The following TLL2 variants were observed in gnomAD, a reference collection of about 807,000 sequenced individuals.
TLL2 encodes tolloid-like protein 2.
Under a neutral mutation model 123.0 loss-of-function variants are expected in TLL2, and 106 were observed. The observed-to-expected ratio is 0.86, with a 90% CI of 0.74 to 1.01. The LOEUF (loss-of-function observed/expected upper bound fraction) is 1.01, where lower values mean the gene tolerates loss of function less well. Ranked by LOEUF, TLL2 falls within the 50% of genes least tolerant of loss-of-function variation. TLL2 has a pLI of 0.00. For synonymous variants in TLL2, 494 were observed against 516.8 expected (o/e 0.96, Z 0.60); for missense variants, 1,332 against 1,336.7 (o/e 1.00, Z 0.06).
intron 6 of TLL2, among the ~76,000 whole-genome samples, chr10:96,421,693 TGG>T (rs1846625208): frequency 6.9e-6 from 1 of 144,620 alleles, no homozygotes. Context: ...AAAAATTAGC[TGG>T]GCGTGGTGGT....
intron 12 of TLL2, 121 bp downstream of exon 12, chr10:96,395,754 G>A: frequency 7.7e-7 from 1 of 1,300,106 alleles, no homozygotes; most frequent in South Asian, 1.6e-5. Context: ...TTCACTATGG[G>A]CTTGAGAATA....
At chr10:96,386,704 A>G (rs888486702) in intron 14 of TLL2, among the ~76,000 whole-genome samples, 1 of 152,196 alleles carries the variant, frequency 6.6e-6, no homozygotes, top group Non-Finnish European at 1.5e-5. Flanking sequence ...ATTTCACACA[A>G]TCATAGAAGA....
intron 3 of TLL2, among the ~76,000 whole-genome samples, chr10:96,442,718 C>T (rs1263106973): frequency 1.3e-5 from 2 of 152,200 alleles, no homozygotes; most frequent in African/African-American, 2.4e-5. Flanking sequence ...CACAACCCCA[C>T]CAGAGGCAGA....
chr10:96,476,248 T>TTTTTTTGTTGTTGTTGTTGTTG (rs1285354320), intron 2 of TLL2, among the ~76,000 whole-genome samples: 6 of 69,242 alleles, frequency 8.7e-5, no homozygotes, highest in African/African-American at 3.7e-4. Flanking sequence ...ATATTTTATT[T>TTTTTTTGTTGTTGTTGTTGTTG]TTGTTGTTGT....
Position 96,459,725 on chromosome 10 carries a change from TATATATAG to T in TLL2, c.287-13565_287-13558del, listed in dbSNP as rs1419019521. Among the ~76,000 whole-genome samples, 12 of 92,404 alleles carry T rather than the reference TATATATAG, an allele frequency of 1.3e-4. No individual in the cohort carries two copies. The South Asian group carries it at 1.9e-3, about 15-fold the overall frequency. 60.6% of individuals were successfully genotyped at this position (92,404 alleles called of 152,430 possible). ...AAAAAAATATATATATATATATATA[TATATATAG>T]CAGCTAAAATGAAAAGACACATGGA... On this transcript the variant is annotated intron_variant, in intron 2 of 20. Coordinates refer to ENST00000357947, the MANE Select transcript of TLL2 (RefSeq NM_012465.4).
intron 5 of TLL2, among the ~76,000 whole-genome samples, chr10:96,424,024 A>T (rs960719419): frequency 6.6e-6 from 1 of 152,220 alleles, no homozygotes; most frequent in Non-Finnish European, 1.5e-5. Flanking sequence ...GGAACTGGAG[A>T]TCATTATGTT....
chr10:96,486,736 T>C (rs1847360177), intron 1 of TLL2, among the ~76,000 whole-genome samples: 1 of 152,198 alleles, frequency 6.6e-6, no homozygotes, highest in African/African-American at 2.4e-5. Flanking sequence ...AGAGCACCCC[T>C]GGGAAGTCCA....
At chr10:96,507,155 C>G (rs969100194) in intron 1 of TLL2, among the ~76,000 whole-genome samples, 7 of 151,960 alleles carry the variant, frequency 4.6e-5, no homozygotes, top group African/African-American at 1.7e-4. Context: ...AGTGTGAGAC[C>G]TGGCCACTAT....
Position 96,370,206 on chromosome 10 carries a change from C to T in TLL2, c.2772G>A (p.Val924=), listed in dbSNP as rs1211889654. Residue 924 remains valine (V), a synonymous_variant, in exon 20 of 21, where the codon GTG becomes GTA. Transcript: ENST00000357947. Reference sequence around the variant, plus strand: ...GCTCCACGCCGTAGCCGTCCTCTGCCACGATCACCCAGTCACAGCGGGCCT... The same window carrying T: ...GCTCCACGCCGTAGCCGTCCTCTGCTACGATCACCCAGTCACAGCGGGCCT... ...PSEARCDWVI[V]AEDGYGVELT... 1.2e-6 allele frequency: 2 copies of T among 1,614,082 alleles called. No homozygotes were observed. The highest frequency in any genetic ancestry group is 8.5e-7 in the Non-Finnish European group (1 of 1,179,952).
intron 4 of TLL2, 127 bp downstream of exon 4, chr10:96,432,680 C>G: frequency 8.2e-7 from 1 of 1,220,892 alleles, no homozygotes; most frequent in Non-Finnish European, 1.1e-6. Context: ...AGGGGGGCAT[C>G]ATCTGTAGGC....
intron 16 of TLL2, among the ~76,000 whole-genome samples, chr10:96,382,556 C>T (rs1376950053): frequency 6.6e-6 from 1 of 152,236 alleles, no homozygotes; most frequent in Non-Finnish European, 1.5e-5. Flanking sequence ...GTGTTATAAA[C>T]TTAATCCCCA....
intron 7 of TLL2, among the ~76,000 whole-genome samples, chr10:96,415,434 G>T (rs1449952468): frequency 6.6e-6 from 1 of 151,846 alleles, no homozygotes; most frequent in Non-Finnish European, 1.5e-5. Context: ...CCTGCTCTGG[G>T]TCTTAATCAT....
intron 2 of TLL2, among the ~76,000 whole-genome samples, chr10:96,470,198 T>G (rs1847165819): frequency 6.6e-6 from 1 of 152,220 alleles, no homozygotes; most frequent in Non-Finnish European, 1.5e-5. Context: ...GATGTGGGCC[T>G]GCCCAGCTCC....
At chr10:96,505,653 C>G (rs1374672987) in intron 1 of TLL2, among the ~76,000 whole-genome samples, 1 of 152,128 alleles carries the variant, frequency 6.6e-6, no homozygotes, top group Non-Finnish European at 1.5e-5. Flanking sequence ...GTATTTGAAC[C>G]CAGGAAATTT....
At chr10:96,490,207 T>C (rs1173706477) in intron 1 of TLL2, among the ~76,000 whole-genome samples, 1 of 152,178 alleles carries the variant, frequency 6.6e-6, no homozygotes, top group Non-Finnish European at 1.5e-5. Flanking sequence ...CTAAAAGCTA[T>C]AAAAAGTGAC....
intron 13 of TLL2, among the ~76,000 whole-genome samples, chr10:96,391,684 C>T (rs1213917621): frequency 1.3e-5 from 2 of 152,216 alleles, no homozygotes; most frequent in Non-Finnish European, 2.9e-5. Context: ...GATCCTGGCA[C>T]GTGGCCAGCA....
intron 1 of TLL2, among the ~76,000 whole-genome samples, chr10:96,484,496 A>G (rs1267540458): frequency 6.6e-6 from 1 of 151,722 alleles, no homozygotes; most frequent in African/African-American, 2.4e-5. Context: ...ATATTACTCA[A>G]CCTCACTGAG....
intron 2 of TLL2, among the ~76,000 whole-genome samples, chr10:96,476,248 T>TTTTTTTTTTTTGTTG (rs1285354320): frequency 7.4e-4 from 51 of 69,218 alleles, no homozygotes; most frequent in Middle Eastern, 8.5e-3. Context: ...ATATTTTATT[T>TTTTTTTTTTTTGTTG]TTGTTGTTGT....
At chr10:96,428,483 A>G in intron 5 of TLL2, 148 bp downstream of exon 5, 1 of 598,702 alleles carries the variant, frequency 1.7e-6, no homozygotes, top group Middle Eastern at 2.8e-4. Context: ...ACTGGATTGT[A>G]ATTTCACCAA....
Sources: gnomAD v4.1 joint callset for allele counts (sites outside exome capture counted in the v4.1 genomes callset) on GRCh38, gnomAD v4.1.1 for gene constraint, MANE v1.5 for transcripts, NCBI Gene and HGNC (gene_info 2026-07-23, HGNC 2026-07-21) for gene names.